TCERG1L: variants seen among roughly 807,000 people sequenced by gnomAD.
The protein encoded by TCERG1L is transcription elongation regulator 1 like.
A neutral mutation model predicts 56.3 loss-of-function variants in TCERG1L; 37 were observed. The observed-to-expected ratio is 0.66, with a 90% confidence interval of 0.51 to 0.87. The LOEUF is 0.87. Ranked by LOEUF, TCERG1L falls within the 40% of genes least tolerant of loss-of-function variation. The pLI is 0.00. For synonymous variants in TCERG1L, 324 were observed against 326.3 expected (o/e 0.99, Z 0.08); for missense variants, 799 against 774.2 (o/e 1.03, Z -0.38).
At chr10:131,288,670 C>A (rs890467231) in intron 3 of TCERG1L, among the ~76,000 whole-genome samples, 1 of 152,178 alleles carries the variant, frequency 6.6e-6, no homozygotes, top group Non-Finnish European at 1.5e-5. Flanking sequence ...AAGATGCTAT[C>A]ATGCTGGATG....
chr10:131,300,427 C>T (rs1846748648), intron 3 of TCERG1L, among the ~76,000 whole-genome samples: 1 of 152,122 alleles, frequency 6.6e-6, no homozygotes, highest in Admixed American at 6.5e-5. Flanking sequence ...TCCATGTTTT[C>T]AGTTGCTTTC....
intron 9 of TCERG1L, among the ~76,000 whole-genome samples, chr10:131,107,663 G>A (rs954896161): frequency 1.1e-4 from 17 of 152,060 alleles, no homozygotes; most frequent in African/African-American, 3.4e-4. Context: ...TGTTGTTCCC[G>A]AGCCTGCGTG....
rs1471684993 is a variant in TCERG1L at position 131,191,328 on chromosome 10, C to T, written c.857-24443G>A. ...TGCCAAAAGCAATCTGCAGATTCAACGCAGTTACCATCAAAATACCAACAT... is the reference window on the plus strand; with the variant it reads ...TGCCAAAAGCAATCTGCAGATTCAATGCAGTTACCATCAAAATACCAACAT... On this transcript the variant is annotated intron_variant, in intron 4 of 11. Transcript: ENST00000368642. Among the ~76,000 whole-genome samples the T allele has an allele frequency of 4.2e-5, 6 of 143,506 alleles. 1 individual carries two copies. In the East Asian group the frequency reaches 7.7e-4, roughly 18 times the overall value. The allele number at this position is 143,506 out of a possible 152,430, so 94.1% of individuals were successfully genotyped here.
rs575596854 is a variant in TCERG1L, at chr10:131,181,131, G to C, written c.857-14246C>G. 1.4e-3 allele frequency among the ~76,000 whole-genome samples: 207 copies of C among 152,374 alleles called. 2 individuals carry two copies. The highest frequency in any genetic ancestry group is 4.7e-3 in the African/African-American group (194 of 41,604). ...CTCCGCGCTGCTCCCTGATCTACGT[G>C]GTTGAATCACAGCCTCCAGTTCTCC... On this transcript the variant is annotated intron_variant, in intron 4 of 11. Transcript: ENST00000368642.
chr10:131,145,648 T>C (rs894813784), intron 7 of TCERG1L, among the ~76,000 whole-genome samples: 16 of 152,234 alleles, frequency 1.1e-4, no homozygotes, highest in African/African-American at 3.9e-4. Context: ...ATTACCATCA[T>C]CTAGCATTAG....
intron 4 of TCERG1L, among the ~76,000 whole-genome samples, chr10:131,191,437 A>G (rs1845299902): frequency 6.9e-6 from 1 of 144,098 alleles, no homozygotes; most frequent in Non-Finnish European, 1.5e-5. Context: ...AATCCTAAGC[A>G]AAACAAACAA....
rs192440359 is a variant in TCERG1L at position 131,288,549 on chromosome 10, C to T, written c.670+19662G>A. On this transcript the variant is annotated intron_variant, in intron 3 of 11. Transcript: ENST00000368642. ...CCTCCACCCCACTATCAACAGGGTTCTTTGCACGGAGAAAATGGAAGTCCC... is the reference window on the plus strand; with the variant it reads ...CCTCCACCCCACTATCAACAGGGTTTTTTGCACGGAGAAAATGGAAGTCCC... 5.4e-4 allele frequency among the ~76,000 whole-genome samples: 82 copies of T among 152,286 alleles called. 1 individual carries two copies. The East Asian group carries it at 0.011, about 21-fold the overall frequency.
At chr10:131,218,543 G>A (rs1328521234) in intron 4 of TCERG1L, among the ~76,000 whole-genome samples, 1 of 152,100 alleles carries the variant, frequency 6.6e-6, no homozygotes, top group Non-Finnish European at 1.5e-5. Flanking sequence ...GCCCAGGCTG[G>A]AGTGCAATGG....
chr10:131,148,250 G>T (rs1419308310), intron 6 of TCERG1L, among the ~76,000 whole-genome samples: 2 of 152,244 alleles, frequency 1.3e-5, no homozygotes, highest in African/African-American at 4.8e-5. Flanking sequence ...AGGGAGGTGG[G>T]AAGATCAGTG....
At chr10:131,297,311 T>C (rs972020991) in intron 3 of TCERG1L, among the ~76,000 whole-genome samples, 4 of 152,222 alleles carry the variant, frequency 2.6e-5, no homozygotes, top group Admixed American at 2.0e-4. Flanking sequence ...GACAAATGCA[T>C]TTTCTGAATC....
intron 8 of TCERG1L, among the ~76,000 whole-genome samples, chr10:131,133,792 T>C (rs904118672): frequency 6.6e-6 from 1 of 152,176 alleles, no homozygotes; most frequent in Non-Finnish European, 1.5e-5. Flanking sequence ...CCTCGGTGCA[T>C]GGCAACTCCC....
At chr10:131,309,713 T>C (rs551442716) in intron 1 of TCERG1L, among the ~76,000 whole-genome samples, 87 of 152,086 alleles carry the variant, frequency 5.7e-4, no homozygotes, top group African/African-American at 1.9e-3. Context: ...AGCATTGCAT[T>C]TTGTATTAAT....
intron 4 of TCERG1L, among the ~76,000 whole-genome samples, chr10:131,178,606 C>T (rs927270773): frequency 3.9e-5 from 6 of 152,122 alleles, no homozygotes; most frequent in African/African-American, 7.2e-5. Context: ...GGTGTGGAGA[C>T]CTTCATTGCC....
chr10:131,286,932 A>C (rs1846552559), intron 3 of TCERG1L, among the ~76,000 whole-genome samples: 2 of 152,378 alleles, frequency 1.3e-5, no homozygotes, highest in Middle Eastern at 3.4e-3. Context: ...CGTGTTGCGA[A>C]TATCAGATAT....
Position 131,187,679 on chromosome 10 carries a change from T to C in TCERG1L, c.857-20794A>G, listed in dbSNP as rs528935475. On this transcript the variant is annotated intron_variant, in intron 4 of 11. Transcript: ENST00000368642. Reference sequence around the variant, plus strand: ...TGGTTCTCCCTCGGGTCTTGAGTTCTGACTTCCTGCCCCGACCTAACTGAG... The same window carrying C: ...TGGTTCTCCCTCGGGTCTTGAGTTCCGACTTCCTGCCCCGACCTAACTGAG... 2.0e-5 allele frequency among the ~76,000 whole-genome samples: 3 copies of C among 152,310 alleles called. No individual in the cohort carries two copies. In the East Asian group the frequency reaches 5.8e-4, roughly 29 times the overall value.
intron 9 of TCERG1L, among the ~76,000 whole-genome samples, chr10:131,108,429 GT>G (rs1436886826): frequency 4.7e-5 from 7 of 150,390 alleles, no homozygotes; most frequent in African/African-American, 1.7e-4. Context: ...CTTGCTTCCT[GT>G]CTGTGGGGAA....
At position 131,311,214 on chromosome 10, in the gene TCERG1L, G is replaced by T; in HGVS notation, c.342+80C>A. On this transcript the variant is annotated intron_variant, in intron 1 of 11. Coordinates refer to ENST00000368642, the MANE Select transcript of TCERG1L (RefSeq NM_174937.4). This position sits in a 1 kb window ranked among gnomAD's most constrained non-coding sequence, Gnocchi z 4.0. ...GGGGAGGAGGGCGCGCGAGCCGGAG[G>T]CCAGAGCCGGGCCGGGCAGGGCGCG... 9.0e-7 allele frequency: 1 copy of T among 1,105,834 alleles called. No individual in the cohort carries two copies. The highest frequency in any genetic ancestry group is 1.1e-6 in the Non-Finnish European group (1 of 888,826). The allele number at this position is 1,105,834 out of a possible 1,614,324, so 68.5% of individuals were successfully genotyped here.
chr10:131,262,480 T>C (rs1846245340), intron 3 of TCERG1L, among the ~76,000 whole-genome samples: 1 of 152,214 alleles, frequency 6.6e-6, no homozygotes, highest in Non-Finnish European at 1.5e-5. Context: ...GATGAGCATA[T>C]ACAGCTATTT....
chr10:131,125,793 C>T (rs1250255252), intron 8 of TCERG1L, among the ~76,000 whole-genome samples: 1 of 152,198 alleles, frequency 6.6e-6, no homozygotes, highest in Non-Finnish European at 1.5e-5. Flanking sequence ...CCAGCAAAAC[C>T]CTGGCTGTGG....
Sources: gnomAD v4.1 joint callset for allele counts (sites outside exome capture counted in the v4.1 genomes callset) on GRCh38, gnomAD v4.1.1 for gene constraint, Gnocchi (gnomAD v3.1) non-coding constraint, MANE v1.5 for transcripts, NCBI Gene and HGNC (gene_info 2026-07-23, HGNC 2026-07-21) for gene names.